HNRNPA1L2: variants seen among roughly 807,000 people sequenced by gnomAD.
HNRNPA1L2 encodes heterogeneous nuclear ribonucleoprotein A1 like 2, also known as heterogeneous nuclear ribonucleoprotein A1-like 2.
Under a neutral mutation model 18.2 loss-of-function variants are expected in HNRNPA1L2, and 10 were observed. That is an observed-to-expected ratio of 0.55 (90% CI 0.34 to 0.93). The LOEUF is 0.93. HNRNPA1L2 is among the 40% of genes least tolerant of loss of function. The probability of loss-of-function intolerance (pLI) is 0.02; values close to 1 mark genes in which losing one functional copy is unlikely to be tolerated. For missense variants in HNRNPA1L2, 308 were observed against 394.4 expected (o/e 0.78, Z 1.85); for synonymous variants, 124 against 138.6 (o/e 0.89, Z 0.74).
the HNRNPA1L2 span, among the ~76,000 whole-genome samples, chr13:52,636,337 A>G: frequency 6.6e-6 from 1 of 152,226 alleles, no homozygotes; most frequent in Non-Finnish European, 1.5e-5. Context: ...TAACTTTTTA[A>G]GAAGCCATCA....
At chr13:52,631,407 G>A in the HNRNPA1L2 span, among the ~76,000 whole-genome samples, 1 of 152,148 alleles carries the variant, frequency 6.6e-6, no homozygotes, top group Non-Finnish European at 1.5e-5. Flanking sequence ...TCTCTGTTGT[G>A]CATTCCTCTT....
chr13:52,639,887 T>TTTGTTTTG (rs1566162123), upstream of HNRNPA1L2, among the ~76,000 whole-genome samples: 2 of 126,754 alleles, frequency 1.6e-5, no homozygotes, highest in African/African-American at 2.8e-5. Flanking sequence ...TTTTTTTTTT[T>TTTGTTTTG]TTTTTTTTGT....
chr13:52,632,244 A>T, the HNRNPA1L2 span, among the ~76,000 whole-genome samples: 1 of 152,210 alleles, frequency 6.6e-6, no homozygotes, highest in African/African-American at 2.4e-5. Flanking sequence ...ATGAAGCAAA[A>T]CTTCAAGTGC....
the HNRNPA1L2 span, chr13:52,629,150 ACAG>A: frequency 6.5e-6 from 1 of 152,764 alleles, no homozygotes; most frequent in Admixed American, 6.5e-5. Flanking sequence ...TGCTGGGATT[ACAG>A]GTGTGAGCCA....
At chr13:52,642,317 A>G (rs938211849), upstream of HNRNPA1L2, 23 of 810,782 alleles carry the variant, frequency 2.8e-5, no homozygotes, top group Non-Finnish European at 4.4e-5. Context: ...CTTCCTGTAC[A>G]TACACTAAAA....
chr13:52,635,575 AACACAC>A, the HNRNPA1L2 span, among the ~76,000 whole-genome samples: 17,052 of 143,064 alleles, frequency 0.12, 1,063 homozygotes, highest in East Asian at 0.21. Flanking sequence ...GTCCTTTTGC[AACACAC>A]ACACACACAC....
the HNRNPA1L2 span, among the ~76,000 whole-genome samples, chr13:52,619,469 C>T: frequency 6.6e-6 from 1 of 152,242 alleles, no homozygotes; most frequent in South Asian, 2.1e-4. Flanking sequence ...TACGTTACCA[C>T]GCCTGGCTCA....
upstream of HNRNPA1L2, chr13:52,637,563 C>T (rs564766070): frequency 4.4e-4 from 67 of 153,656 alleles, no homozygotes; most frequent in Non-Finnish European, 7.4e-4. Flanking sequence ...GATATCTTCG[C>T]GGTGTCCTAA....
the HNRNPA1L2 span, among the ~76,000 whole-genome samples, chr13:52,630,392 A>G: frequency 6.6e-6 from 1 of 152,136 alleles, no homozygotes; most frequent in Admixed American, 6.5e-5. Context: ...TTCTCCTGAC[A>G]GCCTCCCCAG....
chr13:52,629,232 A>G, the HNRNPA1L2 span: 5 of 169,644 alleles, frequency 2.9e-5, no homozygotes, highest in African/African-American at 7.2e-5. Flanking sequence ...CAATAACAAA[A>G]TATCAGATAT....
upstream of HNRNPA1L2, among the ~76,000 whole-genome samples, chr13:52,639,742 A>C (rs1460607662): frequency 6.6e-6 from 1 of 151,128 alleles, no homozygotes; most frequent in Non-Finnish European, 1.5e-5. Flanking sequence ...GGGAATACAT[A>C]ATGTTTGTAT....
At chr13:52,627,403 T>C in the HNRNPA1L2 span, 9 of 189,008 alleles carry the variant, frequency 4.8e-5, no homozygotes, top group African/African-American at 1.9e-4. Flanking sequence ...ATCTCTCTTT[T>C]TTCTTTCTCA....
the HNRNPA1L2 span, among the ~76,000 whole-genome samples, chr13:52,634,596 C>G: frequency 1.4e-4 from 21 of 152,128 alleles, no homozygotes; most frequent in African/African-American, 4.6e-4. Flanking sequence ...CTTACCATCC[C>G]AAATAATGCT....
At chr13:52,626,563 C>G in the HNRNPA1L2 span, among the ~76,000 whole-genome samples, 1 of 151,772 alleles carries the variant, frequency 6.6e-6, no homozygotes, top group Non-Finnish European at 1.5e-5. Flanking sequence ...TTAAAATATA[C>G]GCAAAGTACG....
the HNRNPA1L2 span, among the ~76,000 whole-genome samples, chr13:52,634,741 T>G: frequency 6.6e-6 from 1 of 152,190 alleles, no homozygotes; most frequent in Non-Finnish European, 1.5e-5. Context: ...GCCCTACTGG[T>G]TATCCCAGAG....
the HNRNPA1L2 span, among the ~76,000 whole-genome samples, chr13:52,619,707 G>GCTTACCTCGTGGATCTCCT: frequency 6.6e-6 from 1 of 151,924 alleles, no homozygotes; most frequent in Non-Finnish European, 1.5e-5. Flanking sequence ...GGATCACAAG[G>GCTTACCTCGTGGATCTCCT]TAAGGAGATC....
the HNRNPA1L2 span, among the ~76,000 whole-genome samples, chr13:52,623,526 A>C: frequency 1.4e-4 from 22 of 152,200 alleles, no homozygotes; most frequent in Non-Finnish European, 2.5e-4. Context: ...GTGTTTAAAA[A>C]AGAGGCTTTG....
the HNRNPA1L2 span, among the ~76,000 whole-genome samples, chr13:52,634,418 AT>A: frequency 6.6e-6 from 1 of 152,226 alleles, no homozygotes; most frequent in Non-Finnish European, 1.5e-5. Flanking sequence ...GTATCAAATG[AT>A]TATACTCTAG....
chr13:52,622,293 T>C, the HNRNPA1L2 span: 1 of 153,360 alleles, frequency 6.5e-6, no homozygotes, highest in South Asian at 2.1e-4. Context: ...TGAATGTTGT[T>C]TGAAAGTAAT....
Sources: allele counts gnomAD v4.1 joint callset (sites outside exome capture counted in the v4.1 genomes callset), GRCh38; gene constraint gnomAD v4.1.1; transcripts MANE v1.5; gene names NCBI Gene and HGNC (gene_info 2026-07-23, HGNC 2026-07-21).